The following CNTNAP3 variants were observed in gnomAD, a reference collection of about 807,000 sequenced individuals.
The protein encoded by CNTNAP3 is contactin associated protein family member 3.
Under a neutral mutation model 92.1 loss-of-function variants are expected in CNTNAP3, and 36 were observed. The observed-to-expected ratio is 0.39, with a 90% CI of 0.30 to 0.52. The LOEUF is 0.52. CNTNAP3 is among the 20% of genes least tolerant of loss of function. The pLI, the probability that CNTNAP3 is intolerant of heterozygous loss-of-function variation, is 0.76. For missense variants in CNTNAP3, 534 were observed against 1,069.6 expected, an observed-to-expected ratio of 0.50 and a Z score of 6.98; for synonymous variants, 232 against 422.3, an observed-to-expected ratio of 0.55 and a Z score of 5.53.
At chr9:39,095,162 A>G (rs1234615650) in intron 18 of CNTNAP3, among the ~76,000 whole-genome samples, 2 of 151,592 alleles carry the variant, frequency 1.3e-5, no homozygotes, top group Non-Finnish European at 3.0e-5. Context: ...GAGAAATACA[A>G]CCAAATTTTT....
At chr9:39,104,381 T>C (rs1057412968) in intron 15 of CNTNAP3, among the ~76,000 whole-genome samples, 3 of 151,914 alleles carry the variant, frequency 2.0e-5, no homozygotes, top group African/African-American at 7.3e-5. Context: ...TTGAGATATC[T>C]ATTAGGCATC....
Position 39,118,284 on chromosome 9 carries a change from G to A in CNTNAP3, c.2081-25C>T, listed in dbSNP as rs770542839. 5.8e-5 allele frequency: 93 copies of A among 1,612,928 alleles called. 1 individual carries two copies. Among genetic ancestry groups the A allele is most frequent in the Non-Finnish European group, 7.6e-5 (90 of 1,179,628 alleles). On this transcript the variant is annotated intron_variant, in intron 13 of 23. Transcript: ENST00000297668. ...TCTGAAAGACAAGTATAAGAAACATGACATCTACTTTGTCCCTCACTACCA... is the reference window on the plus strand; with the variant it reads ...TCTGAAAGACAAGTATAAGAAACATAACATCTACTTTGTCCCTCACTACCA...
intron 13 of CNTNAP3, among the ~76,000 whole-genome samples, chr9:39,130,168 T>A (rs1374390553): frequency 1.3e-5 from 2 of 152,212 alleles, no homozygotes. Context: ...TGAAAACTGA[T>A]GTTCACACAA....
intron 15 of CNTNAP3, among the ~76,000 whole-genome samples, chr9:39,108,882 T>C (rs1283907008): frequency 2.6e-5 from 4 of 152,158 alleles, no homozygotes; most frequent in Non-Finnish European, 5.9e-5. Context: ...CATCTCATGA[T>C]TGTTCTGGAA....
chr9:39,090,941 C>T (rs1380774861), intron 18 of CNTNAP3, among the ~76,000 whole-genome samples: 3 of 152,090 alleles, frequency 2.0e-5, no homozygotes, highest in African/African-American at 4.8e-5. Flanking sequence ...CTTTTTGATG[C>T]TATTGTAAAT....
Position 39,068,660 on chromosome 9 carries a change from C to T in CNTNAP3, c.*5230G>A, listed in dbSNP as rs1260562535. 4.1e-4 allele frequency among the ~76,000 whole-genome samples: 63 copies of T among 151,824 alleles called. No homozygotes were observed. Among genetic ancestry groups the T allele is most frequent in the South Asian group, 8.3e-4 (4 of 4,830 alleles). On this transcript the variant is annotated 3_prime_UTR_variant, in exon 24 of 24. Transcript: ENST00000297668. ...TTTCTCCAATGCAGCTCTTTCCTCG[C>T]CGGTACTCTATCCTGCAATCTCTAG...
At chr9:39,114,734 T>C (rs1376250722) in intron 14 of CNTNAP3, among the ~76,000 whole-genome samples, 44 of 152,310 alleles carry the variant, frequency 2.9e-4, no homozygotes, top group Non-Finnish European at 4.4e-5. Flanking sequence ...ATTTAAACCA[T>C]CTTATTTTAT....
In CNTNAP3 at chr9:39,139,119, GAGA is replaced by G. The variant is rs553196752; in HGVS notation, c.1876+1397_1876+1399del. Reference sequence around the variant, plus strand: ...GCTATAGCGCAATGGGGCATCTAAAGAGAAGGTGACATTTTCTAGGGCAGAAAA... The same window carrying G: ...GCTATAGCGCAATGGGGCATCTAAAGAGGTGACATTTTCTAGGGCAGAAAA... On this transcript the variant is annotated intron_variant, in intron 12 of 23. Transcript: ENST00000297668. Among the ~76,000 whole-genome samples, 584 of 152,276 alleles carry G rather than the reference GAGA, an allele frequency of 3.8e-3. 3 individuals are homozygous for G. The highest frequency in any genetic ancestry group is 0.013 in the African/African-American group (560 of 41,546).
At chr9:39,107,080 G>C (rs893498268) in intron 15 of CNTNAP3, among the ~76,000 whole-genome samples, 1 of 151,954 alleles carries the variant, frequency 6.6e-6, no homozygotes, top group Non-Finnish European at 1.5e-5. Context: ...GATGAATGTC[G>C]AGAAGAATTC....
rs1291142018 is a variant in CNTNAP3 at position 39,067,307 on chromosome 9, A to G, written c.*6583T>C. ...GTATGTGCTGGGTCATTTTAGATTG[A>G]TTTTTATCCTCATTATAGGTCCTAT... On this transcript the variant is annotated 3_prime_UTR_variant, in exon 24 of 24. Coordinates refer to ENST00000297668, the MANE Select transcript of CNTNAP3 (RefSeq NM_033655.5). Among the ~76,000 whole-genome samples, 154 of 151,154 alleles carry G rather than the reference A, an allele frequency of 1.0e-3. No individual in the cohort carries two copies. Among genetic ancestry groups the G allele is most frequent in the African/African-American group, 1.5e-3 (60 of 40,554 alleles).
At position 39,068,836 on chromosome 9, in the gene CNTNAP3, G is replaced by C. The variant is rs1825572236; in HGVS notation, c.*5054C>G. 6.6e-6 allele frequency among the ~76,000 whole-genome samples: 1 copy of C among 152,310 alleles called. No individual in the cohort carries two copies. Among genetic ancestry groups the C allele is most frequent in the Non-Finnish European group, 1.5e-5 (1 of 68,058 alleles). On this transcript the variant is annotated 3_prime_UTR_variant, in exon 24 of 24. Transcript: ENST00000297668. Reference sequence around the variant, plus strand: ...TCACAGCACACATCTTATGTTTCCTGTCTTTCAGGGATTACATTCCGTGCC... The same window carrying C: ...TCACAGCACACATCTTATGTTTCCTCTCTTTCAGGGATTACATTCCGTGCC...
At position 39,212,040 on chromosome 9, in the gene CNTNAP3, A is replaced by AT. The variant is rs1202984470; in HGVS notation, c.391-18766dup. ...ACCACTACAACTAGGTAATTTTTGT[A>AT]TTTTTTTGTAGAGACAGGGGTCTCA... On this transcript the variant is annotated intron_variant, in intron 3 of 23. Transcript: ENST00000297668. 3.6e-3 allele frequency among the ~76,000 whole-genome samples: 62 copies of AT among 17,456 alleles called. 18 individuals carry two copies. The highest frequency in any genetic ancestry group is 7.0e-3 in the African/African-American group (59 of 8,370). The allele number at this position is 17,456 out of a possible 152,430, so 11.5% of individuals were successfully genotyped here. A position where few individuals can be genotyped will look rare whatever the true frequency, so the allele number is the denominator to read the frequency against.
At chr9:39,096,738 G>T (rs867694649) in intron 18 of CNTNAP3, among the ~76,000 whole-genome samples, 35 of 151,860 alleles carry the variant, frequency 2.3e-4, no homozygotes, top group African/African-American at 7.0e-4. Flanking sequence ...CATTCTTTCA[G>T]ATTAGAAGGT....
chr9:39,081,599 C>T (rs1042404719), intron 21 of CNTNAP3, among the ~76,000 whole-genome samples: 3 of 150,946 alleles, frequency 2.0e-5, no homozygotes, highest in Non-Finnish European at 2.9e-5. Context: ...TGGCACTTGA[C>T]GTTGTGGGAA....
At chr9:39,149,507 G>A (rs1821788237) in intron 10 of CNTNAP3, among the ~76,000 whole-genome samples, 1 of 142,796 alleles carries the variant, frequency 7.0e-6, no homozygotes, top group Non-Finnish European at 1.5e-5. Flanking sequence ...CCGCCACCAC[G>A]CCTGGCTAAT....
rs1192298970 is a variant in CNTNAP3 at position 39,067,547 on chromosome 9, A to G, written c.*6343T>C. The stretch of plus-strand genomic sequence containing the variant: ...CGAGTAGCTGGGACTTCAGGCGCCC[A>G]ACACCACGCCCGGCTAATTTTTGTA... On this transcript the variant is annotated 3_prime_UTR_variant, in exon 24 of 24. Coordinates refer to ENST00000297668, the MANE Select transcript of CNTNAP3 (RefSeq NM_033655.5). Among the ~76,000 whole-genome samples, 102 of 152,074 alleles carry G rather than the reference A, an allele frequency of 6.7e-4. No individual in the cohort carries two copies. The highest frequency in any genetic ancestry group is 1.3e-3 in the Non-Finnish European group (85 of 67,772).
In CNTNAP3 at chr9:39,140,660, A is replaced by G. The variant is rs781352815; in HGVS notation, c.1757-22T>C. 7.0e-6 allele frequency: 11 copies of G among 1,566,418 alleles called. 1 individual carries two copies. The South Asian group carries it at 1.3e-4, about 19-fold the overall frequency. On this transcript the variant is annotated intron_variant, in intron 11 of 23. Transcript: ENST00000297668. The stretch of plus-strand genomic sequence containing the variant: ...AGAGCTGTAGGAGAACACCAGCCAT[A>G]AGAACCAGAAAAAATATCTCCAGAT...
At chr9:39,094,572 CT>C (rs148548400) in intron 18 of CNTNAP3, among the ~76,000 whole-genome samples, 35,050 of 151,266 alleles carry the variant, frequency 0.23, 4,361 homozygotes, top group East Asian at 0.38. Flanking sequence ...TGAACATCCA[CT>C]TTTCCTACCT....
intron 9 of CNTNAP3, 138 bp from the exon 10 acceptor site, chr9:39,150,115 A>G (rs1821807868): frequency 1.6e-6 from 1 of 629,704 alleles, no homozygotes; most frequent in African/African-American, 1.9e-5. Context: ...TTCATTAGAG[A>G]GGTGAGAAGG....
Sources: allele counts gnomAD v4.1 joint callset (sites outside exome capture counted in the v4.1 genomes callset), GRCh38; gene constraint gnomAD v4.1.1; transcripts MANE v1.5; gene names NCBI Gene and HGNC (gene_info 2026-07-23, HGNC 2026-07-21).